The following MYO6 variants were observed in gnomAD, a reference collection of about 807,000 sequenced individuals.
MYO6 encodes the protein myosin VI, also known as unconventional myosin-VI.
In MYO6, 74 loss-of-function variants were observed where a neutral mutation model predicts 178.7. The observed-to-expected ratio is 0.41, with a 90% CI of 0.34 to 0.50. MYO6 has a LOEUF of 0.50. Among genes scored for constraint, MYO6 ranks in the 20% least tolerant of loss-of-function variants. The probability of loss-of-function intolerance (pLI) is 0.09; values close to 1 mark genes in which losing one functional copy is unlikely to be tolerated. For synonymous variants in MYO6, 477 were observed against 504.6 expected (o/e 0.95, Z 0.73); for missense variants, 1,330 against 1,547.4 (o/e 0.86, Z 2.36).
chr6:75,848,221 T>C (rs1774915947), intron 10 of MYO6, 130 bp from the exon 11 acceptor site: 2 of 811,820 alleles, frequency 2.5e-6, no homozygotes, highest in Non-Finnish European at 4.2e-6. Flanking sequence ...AATGTTAGAA[T>C]AGTAAAGATT....
At chr6:75,765,077 C>G in intron 1 of MYO6, among the ~76,000 whole-genome samples, 1 of 148,348 alleles carries the variant, frequency 6.7e-6, no homozygotes, top group South Asian at 2.1e-4. Flanking sequence ...ATTCATAAGT[C>G]TCTTAGTTTG....
intron 16 of MYO6, among the ~76,000 whole-genome samples, chr6:75,864,785 A>G (rs1317079840): frequency 1.3e-5 from 2 of 152,180 alleles, no homozygotes; most frequent in Admixed American, 1.3e-4. Context: ...CTTTTGTTGT[A>G]TTTTTTGAAA....
intron 2 of MYO6, among the ~76,000 whole-genome samples, chr6:75,821,068 G>A (rs888274251): frequency 6.6e-6 from 1 of 152,152 alleles, no homozygotes; most frequent in Non-Finnish European, 1.5e-5. Context: ...TAAGGAGAGA[G>A]GAAGATGGGG....
Position 75,854,275 on chromosome 6 carries a change from CTTTTTTTTTTTTT to C in MYO6, c.1079-844_1079-832del, listed in dbSNP as rs61398235. 0.02 allele frequency among the ~76,000 whole-genome samples: 922 copies of C among 45,540 alleles called. 37 individuals are homozygous for C. The East Asian group carries it at 0.26, about 13-fold the overall frequency. 29.9% of individuals were successfully genotyped at this position (45,540 alleles called of 152,430 possible). On this transcript the variant is annotated intron_variant, in intron 11 of 34. Transcript: ENST00000369977. ...CATGGGTCAAGACCTAACTGCATTG[CTTTTTTTTTTTTT>C]TTTTTTTTTTTTTTTTTTTGCTATT...
intron 3 of MYO6, among the ~76,000 whole-genome samples, chr6:75,826,449 G>A (rs374877796): frequency 6.6e-6 from 1 of 152,164 alleles, no homozygotes; most frequent in Non-Finnish European, 1.5e-5. Context: ...TATATGATTA[G>A]CGTTCACAGG....
chr6:75,845,762 A>T (rs1774674817), intron 10 of MYO6, among the ~76,000 whole-genome samples: 1 of 152,084 alleles, frequency 6.6e-6, no homozygotes, highest in Non-Finnish European at 1.5e-5. Flanking sequence ...AGGCAGGTGG[A>T]TCATTTGAGT....
intron 1 of MYO6, among the ~76,000 whole-genome samples, chr6:75,794,492 A>G (rs1768575037): frequency 6.6e-6 from 1 of 152,196 alleles, no homozygotes; most frequent in African/African-American, 2.4e-5. Context: ...GCTAAAATAT[A>G]TGTTCTCAAA....
intron 20 of MYO6, among the ~76,000 whole-genome samples, chr6:75,878,740 G>T (rs1271115110): frequency 6.6e-6 from 1 of 152,144 alleles, no homozygotes; most frequent in Admixed American, 6.5e-5. Flanking sequence ...CAAATGGCTT[G>T]CCGTTTGTCA....
At chr6:75,837,715 T>A (rs1223232062) in intron 7 of MYO6, among the ~76,000 whole-genome samples, 1 of 152,218 alleles carries the variant, frequency 6.6e-6, no homozygotes, top group African/African-American at 2.4e-5. Flanking sequence ...AGTTTTTTTT[T>A]AATATAAAGA....
chr6:75,906,814 C>T (rs1780364860), intron 30 of MYO6, among the ~76,000 whole-genome samples: 1 of 152,048 alleles, frequency 6.6e-6, no homozygotes, highest in African/African-American at 2.4e-5. Context: ...TTCCTCTTTC[C>T]CCATATGTGC....
At chr6:75,791,243 A>G (rs1768215865) in intron 1 of MYO6, among the ~76,000 whole-genome samples, 1 of 152,126 alleles carries the variant, frequency 6.6e-6, no homozygotes, top group Non-Finnish European at 1.5e-5. Context: ...TAATAGCTGT[A>G]TTTTTAATTG....
At chr6:75,769,546 T>C (rs1230817082) in intron 1 of MYO6, among the ~76,000 whole-genome samples, 1 of 152,240 alleles carries the variant, frequency 6.6e-6, no homozygotes, top group Admixed American at 6.5e-5. Context: ...CAGGGCACAC[T>C]GGTGCAAGTC....
intron 1 of MYO6, among the ~76,000 whole-genome samples, chr6:75,787,521 A>G (rs1465722497): frequency 2.0e-5 from 3 of 151,600 alleles, no homozygotes; most frequent in Non-Finnish European, 4.4e-5. Context: ...AAATTCTAGA[A>G]CAGGCAAAAG....
At chr6:75,812,380 G>A (rs142273106) in intron 1 of MYO6, among the ~76,000 whole-genome samples, 56 of 152,110 alleles carry the variant, frequency 3.7e-4, no homozygotes, top group African/African-American at 1.3e-3. Context: ...TGATACAGGC[G>A]TACAGTGTGC....
intron 1 of MYO6, among the ~76,000 whole-genome samples, chr6:75,764,967 C>G (rs1408208549): frequency 6.6e-6 from 1 of 150,846 alleles, no homozygotes; most frequent in Non-Finnish European, 1.5e-5. Context: ...CCACTGCGCT[C>G]CAGCCTGGGC....
intron 16 of MYO6, among the ~76,000 whole-genome samples, 197 bp from the exon 17 acceptor site, chr6:75,866,329 T>C (rs1776690851): frequency 6.6e-6 from 1 of 151,272 alleles, no homozygotes; most frequent in African/African-American, 2.4e-5. Context: ...TTTTCTTTCC[T>C]AAGAGATTAT....
At chr6:75,855,563 G>T (rs1775661350) in intron 12 of MYO6, among the ~76,000 whole-genome samples, 1 of 152,146 alleles carries the variant, frequency 6.6e-6, no homozygotes, top group Non-Finnish European at 1.5e-5. Flanking sequence ...TTAGGCAACA[G>T]ATCATTTTAC....
chr6:75,878,452 G>A (rs1777747141), intron 20 of MYO6, among the ~76,000 whole-genome samples: 1 of 152,034 alleles, frequency 6.6e-6, no homozygotes, highest in African/African-American at 2.4e-5. Context: ...ATCCAAAATT[G>A]TTACACTGGC....
chr6:75,911,405 T>C (rs903748267), intron 32 of MYO6, among the ~76,000 whole-genome samples: 10 of 151,974 alleles, frequency 6.6e-5, no homozygotes, highest in African/African-American at 2.2e-4. Context: ...GTTCCAAAAA[T>C]CACAAATGAA....
Sources: allele counts gnomAD v4.1 joint callset (sites outside exome capture counted in the v4.1 genomes callset), GRCh38; gene constraint gnomAD v4.1.1; transcripts MANE v1.5; gene names NCBI Gene and HGNC (gene_info 2026-07-23, HGNC 2026-07-21).